Variants in ACOT11 observed in about 807,000 individuals in gnomAD.
The protein encoded by ACOT11 is acyl-CoA thioesterase 11, also known as acyl-coenzyme A thioesterase 11.
In ACOT11, 69 loss-of-function variants were observed where a neutral mutation model predicts 77.5. The ratio of observed to expected loss-of-function variants is 0.89; its 90% confidence interval spans 0.73 to 1.09. The LOEUF is 1.09. Ranked by LOEUF, ACOT11 falls within the 50% of genes least tolerant of loss-of-function variation. ACOT11 has a pLI of 0.00. For synonymous variants in ACOT11, 279 were observed against 313.0 expected, an observed-to-expected ratio of 0.89 and a Z score of 1.15; for missense variants, 766 against 813.7, an observed-to-expected ratio of 0.94 and a Z score of 0.71.
At chr1:54,587,377 G>A (rs1470386222) in intron 3 of ACOT11, among the ~76,000 whole-genome samples, 1 of 151,500 alleles carries the variant, frequency 6.6e-6, no homozygotes, top group East Asian at 2.0e-4. Context: ...AGCCGGGCGT[G>A]GTGGGGAGCA....
At chr1:54,589,966 T>C (rs1194360635) in intron 3 of ACOT11, among the ~76,000 whole-genome samples, 2 of 152,020 alleles carry the variant, frequency 1.3e-5, no homozygotes, top group African/African-American at 4.8e-5. Context: ...CAAGCGCCTG[T>C]AGTCCCAGCT....
intron 15 of ACOT11, among the ~76,000 whole-genome samples, chr1:54,626,098 T>C (rs182670917): frequency 6.4e-5 from 9 of 141,178 alleles, no homozygotes; most frequent in African/African-American, 2.4e-4. Flanking sequence ...CTGTTTCTAC[T>C]AAAATACAAA....
intron 15 of ACOT11, among the ~76,000 whole-genome samples, chr1:54,617,478 A>G (rs61770423): frequency 6.9e-6 from 1 of 145,984 alleles, no homozygotes; most frequent in East Asian, 2.0e-4. Flanking sequence ...AAAAAAAAAA[A>G]GGCCAGAAAA....
At chr1:54,620,321 G>C (rs945019339) in intron 15 of ACOT11, among the ~76,000 whole-genome samples, 1 of 152,250 alleles carries the variant, frequency 6.6e-6, no homozygotes, top group East Asian at 1.9e-4. Context: ...TCCAGACAGA[G>C]AGAAAGCAAA....
chr1:54,638,922 G>T (rs1010147303), exon 17 of ACOT11: 1 of 152,166 alleles, frequency 6.6e-6, no homozygotes, highest in East Asian at 1.9e-4. Flanking sequence ...TGGATGCAGT[G>T]GTGCATGCTT....
intron 9 of ACOT11, 115 bp downstream of exon 9, chr1:54,601,528 A>T: frequency 2.1e-6 from 3 of 1,441,788 alleles, no homozygotes; most frequent in South Asian, 1.4e-5. Context: ...GGCCCACCCT[A>T]CCCCCGTGCT....
In ACOT11 at chr1:54,603,907, C is replaced by T. The variant is rs757164641; in HGVS notation, c.1122C>T (p.Pro374=). 7.4e-5 allele frequency: 120 copies of T among 1,613,978 alleles called. No homozygotes were observed. Among genetic ancestry groups the T allele is most frequent in the East Asian group, 1.1e-4 (5 of 44,898 alleles). The change falls in exon 11 of 16, where the codon CCC becomes CCT. Residue 374 remains proline (P), a synonymous_variant. Coordinates refer to ENST00000343744, the MANE Select transcript of ACOT11 (RefSeq NM_147161.4). ...TGTCCTGTAAGCAGACAGAGGTGCC[C>T]CTCTCCGTCCCCTGGGACCCTAGCA... ...YIVSCKQTEV[P]LSVPWDPSNQ...
At chr1:54,616,105 A>C (rs1644170498) in intron 15 of ACOT11, 1 of 1,614,106 alleles carries the variant, frequency 6.2e-7, no homozygotes, top group African/African-American at 1.3e-5. Flanking sequence ...CCATGATGGG[A>C]ACTCCTGTCT....
At chr1:54,575,373 T>C (rs1284282655) in intron 1 of ACOT11, among the ~76,000 whole-genome samples, 1 of 152,026 alleles carries the variant, frequency 6.6e-6, no homozygotes, top group Non-Finnish European at 1.5e-5. Flanking sequence ...CCACAGAGGG[T>C]AGGTGTCAGA....
At chr1:54,566,056 G>A (rs1653719730) in intron 1 of ACOT11, among the ~76,000 whole-genome samples, 1 of 152,094 alleles carries the variant, frequency 6.6e-6, no homozygotes. Context: ...CACCAGCAGG[G>A]CCCCCTTCCC....
Position 54,609,922 on chromosome 1 carries a change from C to T in ACOT11, c.*810C>T. 1 of 1,606,528 alleles carries T rather than the reference C, an allele frequency of 6.2e-7. No individual in the cohort carries two copies. Among genetic ancestry groups the T allele is most frequent in the Non-Finnish European group, 8.5e-7 (1 of 1,179,094 alleles). On this transcript the variant is annotated 3_prime_UTR_variant, in exon 16 of 16. Transcript: ENST00000343744. Reference sequence around the variant, plus strand: ...CAGTTCCCTCGAGGCCAGTGTTCAGCAGGATCATGCCTTCTGTGTCTGGAA... The same window carrying T: ...CAGTTCCCTCGAGGCCAGTGTTCAGTAGGATCATGCCTTCTGTGTCTGGAA...
intron 1 of ACOT11, among the ~76,000 whole-genome samples, chr1:54,554,441 T>C (rs902714037): frequency 2.7e-5 from 4 of 150,196 alleles, no homozygotes; most frequent in Non-Finnish European, 4.4e-5. Context: ...AGCCTCGAGC[T>C]CCTGGGCTCA....
intron 3 of ACOT11, among the ~76,000 whole-genome samples, chr1:54,588,762 C>T (rs1158860256): frequency 1.3e-5 from 2 of 152,042 alleles, no homozygotes; most frequent in African/African-American, 2.4e-5. Flanking sequence ...GTTAGGGGTA[C>T]ATGCATGATG....
At chr1:54,548,462 T>G (rs1273701310) in intron 1 of ACOT11, 120 bp downstream of exon 1, 3 of 1,273,850 alleles carry the variant, frequency 2.4e-6, no homozygotes, top group Middle Eastern at 1.9e-4. Flanking sequence ...CGGGCCATTT[T>G]CTAGCTCTCT....
In ACOT11 at chr1:54,584,762, G is replaced by T. The variant is rs1259059132; in HGVS notation, c.141G>T (p.Val47=). The part of the protein sequence containing the change: ...DGEGYRNPTE[V]QMSQLVLPCH... ...AGGGATACCGGAACCCCACGGAGGT[G>T]CAGATGAGCCAGCTGGTGCTGCCCT... is the stretch of plus-strand genomic sequence containing the variant. The change falls in exon 2 of 16, where the codon GTG becomes GTT. Residue 47 remains valine, a synonymous_variant. Transcript: ENST00000343744. This position sits in a 1 kb window ranked among gnomAD's most constrained non-coding sequence, Gnocchi z 6.3. 1.2e-6 allele frequency: 2 copies of T among 1,614,088 alleles called. No individual in the cohort carries two copies. Among genetic ancestry groups the T allele is most frequent in the Admixed American group, 3.3e-5 (2 of 60,018 alleles).
chr1:54,614,632 C>T, downstream of ACOT11: 1 of 1,504,146 alleles, frequency 6.6e-7, no homozygotes, highest in Admixed American at 1.9e-5. Flanking sequence ...CCCCTAAGAT[C>T]CCCATCCTGT....
chr1:54,600,581 G>A lies in ACOT11; in HGVS notation c.885-688G>A, dbSNP rs1569750496. Among the ~76,000 whole-genome samples, 4 of 152,310 alleles carry A rather than the reference G, an allele frequency of 2.6e-5. 1 individual carries two copies. The highest frequency in any genetic ancestry group is 2.6e-4 in the Admixed American group (4 of 15,302). On this transcript the variant is annotated intron_variant, in intron 8 of 15. Transcript: ENST00000343744. The stretch of plus-strand genomic sequence containing the variant: ...ACCTGTAATCCCAGCTACTCAGGAG[G>A]CTGAGGCACGAGAATCCCTTGAATC...
chr1:54,587,020 C>T (rs1449802841), intron 3 of ACOT11, among the ~76,000 whole-genome samples: 1 of 152,144 alleles, frequency 6.6e-6, no homozygotes, highest in Non-Finnish European at 1.5e-5. Flanking sequence ...ATTGGCCAGT[C>T]CCTGTACTCA....
intron 1 of ACOT11, among the ~76,000 whole-genome samples, chr1:54,569,800 A>G (rs1304490317): frequency 1.3e-5 from 2 of 152,362 alleles, no homozygotes; most frequent in East Asian, 1.9e-4. Context: ...GCTTAAATGC[A>G]GGTTGATAGA....
Sources: gnomAD v4.1 joint callset for allele counts (sites outside exome capture counted in the v4.1 genomes callset) on GRCh38, gnomAD v4.1.1 for gene constraint, Gnocchi (gnomAD v3.1) non-coding constraint, MANE v1.5 for transcripts, NCBI Gene and HGNC (gene_info 2026-07-23, HGNC 2026-07-21) for gene names.